The following TMEM165 variants were observed in gnomAD, a reference collection of about 807,000 sequenced individuals.
The protein encoded by TMEM165 is putative divalent cation/proton antiporter TMEM165.
In TMEM165, 19 loss-of-function variants were observed where a neutral mutation model predicts 30.0. The observed-to-expected ratio is 0.63, with a 90% confidence interval of 0.44 to 0.93. The LOEUF (loss-of-function observed/expected upper bound fraction) is 0.93, where lower values mean the gene tolerates loss of function less well. TMEM165 is among the 40% of genes least tolerant of loss of function. The pLI is 0.00. For missense variants in TMEM165, 340 were observed against 417.0 expected (o/e 0.82, Z 1.61); for synonymous variants, 168 against 162.9 (o/e 1.03, Z -0.24).
intron 4 of TMEM165, 95 bp downstream of exon 4, chr4:55,418,080 A>C: frequency 8.7e-7 from 1 of 1,154,164 alleles, no homozygotes; most frequent in South Asian, 1.7e-5. Flanking sequence ...GGGCCACAGC[A>C]TTCCTTCATA....
chr4:55,407,266 G>C (rs1407249013), intron 1 of TMEM165, among the ~76,000 whole-genome samples: 1 of 152,132 alleles, frequency 6.6e-6, no homozygotes. Flanking sequence ...GAAGGCTTGT[G>C]GTTAGCAAAA....
chr4:55,406,177 G>A (rs1161264014), intron 1 of TMEM165, among the ~76,000 whole-genome samples: 1 of 152,186 alleles, frequency 6.6e-6, no homozygotes, highest in Non-Finnish European at 1.5e-5. Context: ...TAAATACAGA[G>A]CAGTGCTTTT....
chr4:55,439,376 G>A (rs1304760560), intron 3 of TMEM165, among the ~76,000 whole-genome samples: 1 of 152,172 alleles, frequency 6.6e-6, no homozygotes, highest in African/African-American at 2.4e-5. Context: ...AATGACCAGT[G>A]TTGGCAAGCA....
intron 2 of TMEM165, among the ~76,000 whole-genome samples, chr4:55,414,774 A>T (rs1321269375): frequency 6.6e-6 from 1 of 152,164 alleles, no homozygotes. Flanking sequence ...ATTACAGTGT[A>T]TCCCTCCTCC....
intron 3 of TMEM165, chr4:55,434,623 A>G (rs1050649088): frequency 6.6e-6 from 1 of 152,594 alleles, no homozygotes; most frequent in Non-Finnish European, 1.5e-5. Context: ...GCAGCACATC[A>G]TACCTCACTG....
At chr4:55,406,473 A>G (rs1298624044) in intron 1 of TMEM165, among the ~76,000 whole-genome samples, 1 of 152,198 alleles carries the variant, frequency 6.6e-6, no homozygotes, top group African/African-American at 2.4e-5. Flanking sequence ...GTGTGTATTT[A>G]TGATACTTAC....
intron 1 of TMEM165, among the ~76,000 whole-genome samples, chr4:55,410,146 A>G (rs1173417774): frequency 2.0e-5 from 3 of 152,106 alleles, no homozygotes; most frequent in East Asian, 3.9e-4. Context: ...TAAAAATGTA[A>G]AAAACCTTTT....
intron 4 of TMEM165, 47 bp from the exon 5 acceptor site, chr4:55,424,491 C>A: frequency 1.8e-6 from 2 of 1,125,956 alleles, no homozygotes; most frequent in Non-Finnish European, 2.7e-6. Flanking sequence ...TCTCAAGCAG[C>A]AGTTGTCACC....
intron 4 of TMEM165, among the ~76,000 whole-genome samples, chr4:55,421,577 C>T (rs186825989): frequency 7.2e-5 from 11 of 152,134 alleles, no homozygotes; most frequent in East Asian, 1.9e-4. Flanking sequence ...AGATTACGCC[C>T]GGCCTAAATA....
chr4:55,403,923 G>C (rs1721157292), intron 1 of TMEM165, among the ~76,000 whole-genome samples: 1 of 151,750 alleles, frequency 6.6e-6, no homozygotes, highest in African/African-American at 2.4e-5. Context: ...CTTTGTATCT[G>C]CTTACACATG....
intron 4 of TMEM165, among the ~76,000 whole-genome samples, chr4:55,421,297 C>CTTTTTTTTTTTT (rs766025971): frequency 1.9e-5 from 2 of 105,902 alleles, no homozygotes; most frequent in African/African-American, 3.6e-5. Context: ...TTCTTTCTTT[C>CTTTTTTTTTTTT]TTTTTTTTTT....
In TMEM165 at chr4:55,417,056, G is replaced by C; in HGVS notation, c.434-16G>C. Reference sequence around the variant, plus strand: ...TACACACTCGATTAACAAACATACTGTTGTATTTTTTCCAGTTTTGTTTGG... The same window carrying C: ...TACACACTCGATTAACAAACATACTCTTGTATTTTTTCCAGTTTTGTTTGG... On this transcript the variant is annotated splice_polypyrimidine_tract_variant and intron_variant, in intron 2 of 5. Transcript: ENST00000381334. The C allele has an allele frequency of 3.2e-6, 5 of 1,582,452 alleles. No individual in the cohort carries two copies. Among genetic ancestry groups the C allele is most frequent in the Non-Finnish European group, 4.3e-6 (5 of 1,166,432 alleles).
intron 3 of TMEM165, chr4:55,448,913 T>C: frequency 2.2e-6 from 3 of 1,354,464 alleles, no homozygotes; most frequent in South Asian, 1.2e-5. Context: ...CTCATTCCCA[T>C]ACATGAGTAC....
At chr4:55,414,062 A>T (rs555788645) in intron 2 of TMEM165, among the ~76,000 whole-genome samples, 1 of 152,174 alleles carries the variant, frequency 6.6e-6, no homozygotes, top group South Asian at 2.1e-4. Context: ...AGGTCAGGAG[A>T]TCGAGGCCAT....
chr4:55,395,965 T>C lies in TMEM165; in HGVS notation c.-225T>C, dbSNP rs1578223270. 2.7e-6 allele frequency: 1 copy of C among 370,372 alleles called. No individual in the cohort carries two copies. The highest frequency in any genetic ancestry group is 4.4e-5 in the East Asian group (1 of 22,640). 22.9% of individuals were successfully genotyped at this position (370,372 alleles called of 1,614,324 possible). On this transcript the variant is annotated 5_prime_UTR_variant, in exon 1 of 6. Transcript: ENST00000381334. ...CGCCGAGGCAGCTGGCTGACTCCAG[T>C]TTAGCCGCCGCCGGAGAGGACGGGC...
intron 2 of TMEM165, among the ~76,000 whole-genome samples, chr4:55,413,704 TTA>T (rs1159966125): frequency 6.6e-6 from 1 of 152,232 alleles, no homozygotes; most frequent in Non-Finnish European, 1.5e-5. Context: ...TGAAGAACAC[TTA>T]TATAACTTTT....
intron 1 of TMEM165, among the ~76,000 whole-genome samples, chr4:55,410,930 T>G (rs1245976553): frequency 6.6e-6 from 1 of 152,048 alleles, no homozygotes; most frequent in African/African-American, 2.4e-5. Flanking sequence ...GTCAGGAGTT[T>G]GAGACCAGCC....
rs182766614 is a variant in TMEM165, at chr4:55,413,595, G to A, written c.433+1756G>A. On this transcript the variant is annotated intron_variant, in intron 2 of 5. Coordinates refer to ENST00000381334, the MANE Select transcript of TMEM165 (RefSeq NM_018475.5). ...CTCCCAAAGTGCTGCGATTACAGGC[G>A]TGAGCTACCACGCCTGGCCCCTGGC... Among the ~76,000 whole-genome samples, 200 of 152,338 alleles carry A rather than the reference G, an allele frequency of 1.3e-3. 3 individuals are homozygous for A. The highest frequency in any genetic ancestry group is 4.3e-4 in the Non-Finnish European group (29 of 68,040).
At chr4:55,448,647 C>CG in intron 3 of TMEM165, 1 of 559,348 alleles carries the variant, frequency 1.8e-6, no homozygotes, top group Non-Finnish European at 3.3e-6. Context: ...TGTGTGTGCT[C>CG]CTACCTCAGC....
Sources: allele counts gnomAD v4.1 joint callset (sites outside exome capture counted in the v4.1 genomes callset), GRCh38; gene constraint gnomAD v4.1.1; transcripts MANE v1.5; gene names NCBI Gene and HGNC (gene_info 2026-07-23, HGNC 2026-07-21).